The following FAM168A variants were observed in gnomAD, a reference collection of about 807,000 sequenced individuals.
FAM168A encodes family with sequence similarity 168 member A.
A neutral mutation model predicts 28.5 loss-of-function variants in FAM168A; 3 were observed. That is an observed-to-expected ratio of 0.11 (90% CI 0.05 to 0.27). FAM168A has a LOEUF of 0.27. Ranked by LOEUF, FAM168A falls within the 10% of genes least tolerant of loss-of-function variation. FAM168A has a pLI of 1.00. For missense variants in FAM168A, 222 were observed against 311.5 expected (o/e 0.71, Z 2.16); for synonymous variants, 122 against 124.2 (o/e 0.98, Z 0.12).
chr11:73,483,039 G>A lies in FAM168A; in HGVS notation c.-18-14547C>T, dbSNP rs1590807743. Among the ~76,000 whole-genome samples, 3 of 152,158 alleles carry A rather than the reference G, an allele frequency of 2.0e-5. No homozygotes were observed. The South Asian group carries it at 6.2e-4, about 31-fold the overall frequency. On this transcript the variant is annotated intron_variant, in intron 1 of 7. Transcript: ENST00000356467. ...ATTTGGCGCACCCAGCCAAGAACAG[G>A]TTTTTAAGCCACAGTTAACAGCTGT... is the stretch of plus-strand genomic sequence containing the variant.
chr11:73,435,251 A>G (rs1867067198), intron 2 of FAM168A, among the ~76,000 whole-genome samples: 1 of 152,206 alleles, frequency 6.6e-6, no homozygotes. Flanking sequence ...AGCAATCTGG[A>G]GGTGTGCTAC....
At chr11:73,434,403 T>C (rs1339944153) in intron 2 of FAM168A, among the ~76,000 whole-genome samples, 1 of 152,292 alleles carries the variant, frequency 6.6e-6, no homozygotes, top group Non-Finnish European at 1.5e-5. Flanking sequence ...CACTGCAATA[T>C]TAAACATGAT....
intron 2 of FAM168A, among the ~76,000 whole-genome samples, chr11:73,449,329 G>C (rs894647233): frequency 2.0e-5 from 3 of 152,228 alleles, no homozygotes; most frequent in African/African-American, 2.4e-5. Flanking sequence ...CTGATGCATA[G>C]TGAGTGATAA....
At chr11:73,471,600 C>T (rs1385669410) in intron 1 of FAM168A, among the ~76,000 whole-genome samples, 1 of 152,168 alleles carries the variant, frequency 6.6e-6, no homozygotes, top group Non-Finnish European at 1.5e-5. Flanking sequence ...ACAGAGTATA[C>T]AAGATCCTTG....
chr11:73,450,299 G>A (rs1307265935), intron 2 of FAM168A, among the ~76,000 whole-genome samples: 1 of 152,210 alleles, frequency 6.6e-6, no homozygotes, highest in Admixed American at 6.5e-5. Flanking sequence ...ACAAAATTGG[G>A]AGAGAAGAGG....
intron 1 of FAM168A, among the ~76,000 whole-genome samples, chr11:73,590,746 GT>G (rs1172325747): frequency 6.6e-6 from 1 of 151,740 alleles, no homozygotes; most frequent in Non-Finnish European, 1.5e-5. Context: ...CAGAAGTTTT[GT>G]TAACACTGGT....
chr11:73,466,611 T>C (rs1364816137), intron 2 of FAM168A, among the ~76,000 whole-genome samples: 4 of 152,164 alleles, frequency 2.6e-5, no homozygotes, highest in Non-Finnish European at 5.9e-5. Context: ...ATAAATTATC[T>C]TTACTTAGAT....
At position 73,401,903 on chromosome 11, in the gene FAM168A, G is replaced by C. The variant is rs1866418428; in HGVS notation, c.*4860C>G. 1 of 152,242 alleles carries C rather than the reference G, an allele frequency of 6.6e-6. No homozygotes were observed. The allele number at this position is 152,242 out of a possible 1,614,324, so 9.4% of individuals were successfully genotyped here. A position where few individuals can be genotyped will look rare whatever the true frequency, so the allele number is the denominator to read the frequency against. On this transcript the variant is annotated 3_prime_UTR_variant, in exon 8 of 8. Transcript: ENST00000356467. ...GCCTGCCAGGAATTTTGAAGGCTGG[G>C]TCCTGGAACCATATAATGCCTAATT... is the stretch of plus-strand genomic sequence containing the variant.
chr11:73,510,202 C>T (rs1855193111), intron 1 of FAM168A, among the ~76,000 whole-genome samples: 1 of 152,124 alleles, frequency 6.6e-6, no homozygotes, highest in African/African-American at 2.4e-5. Flanking sequence ...TCCATCCAAG[C>T]CTACCTAGCT....
At chr11:73,505,951 AT>A (rs1179736555) in intron 1 of FAM168A, among the ~76,000 whole-genome samples, 1 of 152,118 alleles carries the variant, frequency 6.6e-6, no homozygotes, top group Non-Finnish European at 1.5e-5. Context: ...TGGAACTGAG[AT>A]TTATAAATTC....
intron 1 of FAM168A, among the ~76,000 whole-genome samples, chr11:73,541,465 C>T (rs964900961): frequency 6.6e-6 from 1 of 151,566 alleles, no homozygotes; most frequent in Non-Finnish European, 1.5e-5. Context: ...CTCCTCCTCC[C>T]GGGTTCACAC....
At chr11:73,578,385 G>C (rs1229411919) in intron 1 of FAM168A, among the ~76,000 whole-genome samples, 1 of 152,022 alleles carries the variant, frequency 6.6e-6, no homozygotes, top group Non-Finnish European at 1.5e-5. Flanking sequence ...TGGTTTCATG[G>C]GTGTATATGT....
At chr11:73,562,091 C>T (rs1943965603) in intron 1 of FAM168A, among the ~76,000 whole-genome samples, 1 of 152,268 alleles carries the variant, frequency 6.6e-6, no homozygotes, top group East Asian at 1.9e-4. Context: ...TACAGGCGCA[C>T]GCCACCACGT....
At chr11:73,436,901 T>C (rs1279304637) in intron 2 of FAM168A, among the ~76,000 whole-genome samples, 2 of 152,170 alleles carry the variant, frequency 1.3e-5, no homozygotes, top group Non-Finnish European at 2.9e-5. Flanking sequence ...AAGATGGCTG[T>C]GTTTAAGAAA....
intron 2 of FAM168A, among the ~76,000 whole-genome samples, chr11:73,433,320 C>T (rs1031874612): frequency 1.3e-5 from 2 of 151,536 alleles, no homozygotes; most frequent in African/African-American, 2.4e-5. Context: ...AATATTTTCT[C>T]CCATTCTGTG....
chr11:73,592,055 C>T (rs1037080091), intron 1 of FAM168A, among the ~76,000 whole-genome samples: 2 of 152,160 alleles, frequency 1.3e-5, no homozygotes, highest in African/African-American at 2.4e-5. Flanking sequence ...TAGCAGAAAT[C>T]GTCAAGCTTG....
At chr11:73,595,486 ATCT>A (rs1416609118) in intron 1 of FAM168A, among the ~76,000 whole-genome samples, 3 of 152,206 alleles carry the variant, frequency 2.0e-5, no homozygotes, top group Non-Finnish European at 2.9e-5. Context: ...TGCCAATTTT[ATCT>A]TCTTTACATC....
At chr11:73,585,305 T>C (rs1228270348) in intron 1 of FAM168A, among the ~76,000 whole-genome samples, 1 of 152,248 alleles carries the variant, frequency 6.6e-6, no homozygotes, top group Admixed American at 6.5e-5. Flanking sequence ...AAGTTCTTTA[T>C]GAATTATCTC....
chr11:73,577,937 C>T (rs1317258445), intron 1 of FAM168A, among the ~76,000 whole-genome samples: 2 of 152,156 alleles, frequency 1.3e-5, no homozygotes, highest in Non-Finnish European at 2.9e-5. Context: ...TTTCCTGTTT[C>T]AAAAACACTG....
Sources: gnomAD v4.1 joint callset for allele counts (sites outside exome capture counted in the v4.1 genomes callset) on GRCh38, gnomAD v4.1.1 for gene constraint, MANE v1.5 for transcripts, NCBI Gene and HGNC (gene_info 2026-07-23, HGNC 2026-07-21) for gene names.